The following NLRC5 variants were observed in gnomAD, a reference collection of about 807,000 sequenced individuals.
NLRC5 encodes NLR family CARD domain containing 5, also known as protein NLRC5.
NLRC5 carries 114 observed loss-of-function variants against 206.9 expected under a neutral mutation model. The observed-to-expected ratio is 0.55, with a 90% CI of 0.47 to 0.64. The LOEUF (loss-of-function observed/expected upper bound fraction) is 0.64. Among genes scored for constraint, NLRC5 ranks in the 30% least tolerant of loss-of-function variants. The probability of loss-of-function intolerance (pLI) is 0.00; values close to 1 mark genes in which losing one functional copy is unlikely to be tolerated. For missense variants in NLRC5, 2,008 were observed against 2,305.5 expected (o/e 0.87, Z 2.64); for synonymous variants, 952 against 962.8 (o/e 0.99, Z 0.21).
At chr16:57,021,217 C>T (rs2060633612) in intron 3 of NLRC5, 2 of 522,312 alleles carry the variant, frequency 3.8e-6, no homozygotes, top group African/African-American at 1.9e-5. Flanking sequence ...CCTGGCTTCA[C>T]TCGAATTGCT....
chr16:57,073,729 C>T (rs1325853331), intron 38 of NLRC5, among the ~76,000 whole-genome samples: 1 of 152,134 alleles, frequency 6.6e-6, no homozygotes, highest in Admixed American at 6.5e-5. Flanking sequence ...AAGTAGCTGG[C>T]ATTACAGGCA....
intron 45 of NLRC5, 58 bp from the exon 46 acceptor site, chr16:57,079,488 G>A: frequency 6.7e-7 from 1 of 1,500,208 alleles, no homozygotes; most frequent in South Asian, 1.1e-5. Context: ...GGCAGGACCT[G>A]CTAGATCCCC....
chr16:57,079,442 A>G (rs1430413226), intron 45 of NLRC5, 104 bp from the exon 46 acceptor site: 27 of 1,373,254 alleles, frequency 2.0e-5, no homozygotes, highest in Non-Finnish European at 3.1e-6. Flanking sequence ...TCTTTCCTAA[A>G]ACGCCTAGCT....
At chr16:57,040,775 C>G in intron 17 of NLRC5, 57 bp downstream of exon 17, 2 of 1,537,476 alleles carry the variant, frequency 1.3e-6, no homozygotes, top group Non-Finnish European at 1.8e-6. Context: ...TTCCCCTGCT[C>G]AGAGCCTGCT....
At chr16:56,996,901 ACT>A (rs1448069430) in intron 1 of NLRC5, among the ~76,000 whole-genome samples, 1 of 152,124 alleles carries the variant, frequency 6.6e-6, no homozygotes, top group Non-Finnish European at 1.5e-5. Context: ...ACAGTGTCTC[ACT>A]CTGTTGCCCA....
At chr16:57,062,535 G>T in intron 32 of NLRC5, 1 of 166,678 alleles carries the variant, frequency 6.0e-6, no homozygotes, top group South Asian at 1.5e-4. Context: ...AGACTGTCCT[G>T]CTCCTGACTC....
intron 32 of NLRC5, among the ~76,000 whole-genome samples, chr16:57,063,960 G>A (rs1207982355): frequency 6.6e-6 from 1 of 150,802 alleles, no homozygotes; most frequent in South Asian, 2.1e-4. Flanking sequence ...GGATGGTCTC[G>A]ATCTCCTGAC....
intron 34 of NLRC5, 108 bp downstream of exon 34, chr16:57,066,722 A>C: frequency 9.9e-7 from 1 of 1,012,252 alleles, no homozygotes; most frequent in Non-Finnish European, 1.5e-6. Flanking sequence ...AGGGGTTCGA[A>C]GTCTTTACAC....
At chr16:57,066,319 AAAAG>A (rs1279863447) in intron 33 of NLRC5, among the ~76,000 whole-genome samples, 3 of 152,010 alleles carry the variant, frequency 2.0e-5, no homozygotes, top group Non-Finnish European at 4.4e-5. Flanking sequence ...AAAAAAAAAA[AAAAG>A]AAAGAGAAAA....
intron 1 of NLRC5, among the ~76,000 whole-genome samples, chr16:57,015,602 A>AAG (rs1452392078): frequency 0.24 from 23,969 of 97,948 alleles, 2,240 homozygotes; most frequent in African/African-American, 0.35. Context: ...AAATAAATAA[A>AAG]TAAATAAATA....
At chr16:57,050,553 G>T (rs2064748821) in intron 23 of NLRC5, among the ~76,000 whole-genome samples, 1 of 152,240 alleles carries the variant, frequency 6.6e-6, no homozygotes, top group Admixed American at 6.5e-5. Flanking sequence ...GTAGAGGTCT[G>T]CGGGGGTTGG....
rs76629560 is a variant in NLRC5, at chr16:57,065,540, A to G, written c.4241+242A>G. ...CAGAATCAAAACAAAGGGCTATTGGATCCAGGCAGACATGGCTGGGAGTCC... is the reference window on the plus strand; with the variant it reads ...CAGAATCAAAACAAAGGGCTATTGGGTCCAGGCAGACATGGCTGGGAGTCC... On this transcript the variant is annotated intron_variant, in intron 33 of 48. Coordinates refer to ENST00000688547, the MANE Select transcript of NLRC5 (RefSeq NM_001384950.1). Among the ~76,000 whole-genome samples the G allele has an allele frequency of 5.9e-3, 905 of 152,304 alleles. 8 individuals carry two copies. Among genetic ancestry groups the G allele is most frequent in the African/African-American group, 0.021 (855 of 41,548 alleles).
At position 57,041,300 on chromosome 16, in the gene NLRC5, T is replaced by C. The variant is rs2063255111; in HGVS notation, c.2940-185T>C. 2.9e-5 allele frequency: 17 copies of C among 580,486 alleles called. No individual in the cohort carries two copies. The South Asian group carries it at 3.1e-4, about 10-fold the overall frequency. The allele number at this position is 580,486 out of a possible 1,614,324, so 36.0% of individuals were successfully genotyped here. On this transcript the variant is annotated intron_variant, in intron 17 of 48. Transcript: ENST00000688547. ...TCTCTGCCCACCCTCTGCCTATATG[T>C]GACATCCTGTGGGTGTCGTGTGTGT...
chr16:57,030,462 G>GGATGGATGGATGGATA (rs2061724817), intron 10 of NLRC5, among the ~76,000 whole-genome samples: 1 of 117,308 alleles, frequency 8.5e-6, no homozygotes, highest in Non-Finnish European at 1.9e-5. Context: ...ATGGATGGAT[G>GGATGGATGGATGGATA]GATGAAAAGA....
intron 10 of NLRC5, 30 bp downstream of exon 10, chr16:57,030,114 A>G: frequency 1.9e-6 from 3 of 1,574,760 alleles, no homozygotes; most frequent in Non-Finnish European, 2.6e-6. Flanking sequence ...TCTTGGCCTT[A>G]TGGGCCTTGA....
chr16:57,030,169 C>T (rs1373765722), intron 10 of NLRC5, 85 bp downstream of exon 10: 22 of 1,107,918 alleles, frequency 2.0e-5, no homozygotes, highest in South Asian at 1.0e-4. Flanking sequence ...GGAGGCCCCT[C>T]GTCTGCAGGA....
chr16:57,030,466 GAAAAGATGGATGGGTGGATGAAAA>G (rs2061728098), intron 10 of NLRC5, among the ~76,000 whole-genome samples: 26 of 70,434 alleles, frequency 3.7e-4, no homozygotes, highest in Admixed American at 8.9e-4. Context: ...ATGGATGGAT[GAAAAGATGGATGGGTGGATGAAAA>G]GATGGATGGA....
At chr16:57,077,685 A>G in intron 41 of NLRC5, 34 bp from the exon 42 acceptor site, 1 of 1,533,792 alleles carries the variant, frequency 6.5e-7, no homozygotes, top group Non-Finnish European at 8.8e-7. Context: ...GAGAGGGGGC[A>G]TCAGAGGACC....
At chr16:57,033,573 C>G (rs368635063) in intron 11 of NLRC5, 31 bp from the exon 12 acceptor site, 4 of 1,612,030 alleles carry the variant, frequency 2.5e-6, no homozygotes, top group Non-Finnish European at 3.4e-6. Context: ...GATGCCTGAG[C>G]CCAGGCCAAT....
Sources: gnomAD v4.1 joint callset for allele counts (sites outside exome capture counted in the v4.1 genomes callset) on GRCh38, gnomAD v4.1.1 for gene constraint, MANE v1.5 for transcripts, NCBI Gene and HGNC (gene_info 2026-07-23, HGNC 2026-07-21) for gene names.